AHNAK: variants seen among roughly 807,000 people sequenced by gnomAD.
AHNAK encodes the protein AHNAK nucleoprotein.
In AHNAK, 23 loss-of-function variants were observed where a neutral mutation model predicts 37.8. The observed-to-expected ratio is 0.61, with a 90% CI of 0.44 to 0.86. AHNAK has a LOEUF of 0.86. Ranked by LOEUF, AHNAK falls within the 40% of genes least tolerant of loss-of-function variation. AHNAK has a pLI of 0.00. For synonymous variants in AHNAK, 2,481 were observed against 2,636.3 expected (o/e 0.94, Z 1.80); for missense variants, 7,411 against 7,319.4 (o/e 1.01, Z -0.46).
Position 62,484,850 on chromosome 11 carries a change from C to T in AHNAK, c.442+6882G>A, listed in dbSNP as rs536908294. Among the ~76,000 whole-genome samples the T allele has an allele frequency of 2.6e-5, 4 of 152,278 alleles. No homozygotes were observed. In the South Asian group the frequency reaches 6.2e-4, roughly 24 times the overall value. ...TGTTGCCCAGGCTGGAGTGCAATTG[C>T]GTGATCTCAGCTCACCACAACCTCC... On this transcript the variant is annotated intron_variant, in intron 5 of 5. Coordinates refer to the AHNAK transcript ENST00000257247.
In AHNAK at chr11:62,524,662, G is replaced by A. The variant is rs770006460; in HGVS notation, c.9755C>T (p.Ala3252Val). ...TATCTTTGGGCCTTTTATGTCAAGAGCAGGTCCTTTCAAATCACCTTCTAC... is the reference window on the plus strand; with the variant it reads ...TATCTTTGGGCCTTTTATGTCAAGAACAGGTCCTTTCAAATCACCTTCTAC... ...ANVEGDLKGPALDIKGPKIDV... is the reference protein window; with the variant it reads ...ANVEGDLKGPVLDIKGPKIDV... The change falls in exon 5 of 5, where the codon GCT becomes GTT. Residue 3252 changes from alanine to valine, a missense_variant. Transcript: ENST00000378024. The A allele has an allele frequency of 1.2e-6, 2 of 1,614,186 alleles. No homozygotes were observed. Among genetic ancestry groups the A allele is most frequent in the South Asian group, 1.1e-5 (1 of 91,088 alleles).
chr11:62,498,436 AT>A (rs1939653827), intron 4 of AHNAK, among the ~76,000 whole-genome samples: 1 of 151,774 alleles, frequency 6.6e-6, no homozygotes, highest in African/African-American at 2.4e-5. Context: ...TAGTGTAATT[AT>A]AATTACACTA....
downstream of AHNAK, among the ~76,000 whole-genome samples, chr11:62,512,319 G>T (rs1246645750): frequency 1.3e-5 from 2 of 152,208 alleles, no homozygotes; most frequent in African/African-American, 4.8e-5. This position sits in a 1 kb window ranked among gnomAD's most constrained non-coding sequence, Gnocchi z 4.0. Flanking sequence ...GGCAGTTCTG[G>T]CAGATGCTGG....
chr11:62,447,127 C>A (rs1162036246), intron 5 of AHNAK, among the ~76,000 whole-genome samples: 1 of 152,160 alleles, frequency 6.6e-6, no homozygotes, highest in Non-Finnish European at 1.5e-5. Flanking sequence ...CAGCACCCAT[C>A]CCACTCGACC....
At chr11:62,455,018 C>T (rs960325949) in intron 5 of AHNAK, among the ~76,000 whole-genome samples, 3 of 151,496 alleles carry the variant, frequency 2.0e-5, no homozygotes, top group Non-Finnish European at 2.9e-5. Flanking sequence ...CTGCAACCTC[C>T]GCCCCGTGGG....
chr11:62,505,416 G>GC (rs942800219), intron 4 of AHNAK, among the ~76,000 whole-genome samples: 1 of 152,088 alleles, frequency 6.6e-6, no homozygotes, highest in African/African-American at 2.4e-5. Flanking sequence ...GATTCTGAGG[G>GC]CCCCGGGCTT....
At chr11:62,485,358 C>T (rs1384445395) in intron 5 of AHNAK, among the ~76,000 whole-genome samples, 2 of 151,992 alleles carry the variant, frequency 1.3e-5, no homozygotes, top group Non-Finnish European at 2.9e-5. Flanking sequence ...CAACAGTATA[C>T]TCCAGCTTGG....
Position 62,522,500 on chromosome 11 carries a change from G to C in AHNAK, c.11917C>G (p.Pro3973Ala). 6.2e-7 allele frequency: 1 copy of C among 1,613,358 alleles called. No homozygotes were observed. The highest frequency in any genetic ancestry group is 1.3e-5 in the African/African-American group (1 of 74,708). Residue 3973 changes from proline to alanine, a missense_variant, in exon 5 of 5, where the codon CCA becomes GCA. Pro to Ala is a conservative substitution (Grantham distance 27). Transcript: ENST00000378024. ...TCTGGACCTTCAATATTCACATCTG[G>C]AACATCAACGTCCACCTTGGGTCCT... ...VSGPKVDVDV[P>A]DVNIEGPDAK...
chr11:62,542,973 G>T (rs1941181366), intron 1 of AHNAK, among the ~76,000 whole-genome samples: 1 of 152,172 alleles, frequency 6.6e-6, no homozygotes, highest in Non-Finnish European at 1.5e-5. Flanking sequence ...GGGGCGTGGG[G>T]CCAGGCCGCT....
intron 2 of AHNAK, 58 bp from the exon 3 acceptor site, chr11:62,536,156 A>G (rs1940941628): frequency 6.7e-7 from 1 of 1,493,816 alleles, no homozygotes; most frequent in Admixed American, 2.2e-5. Context: ...ACATGAGGGC[A>G]TGGGAAAGCT....
chr11:62,518,193 C>T lies in AHNAK; in HGVS notation c.16224G>A (p.Leu5408=), dbSNP rs61625484. ...CCGGAGTAGAGATGCCAAATTGGGG[C>T]AGCTTCATTTTGGGAAGTTTAATGC... is the stretch of plus-strand genomic sequence containing the variant. The part of the protein sequence containing the change: ...EGSIKLPKMK[L]PQFGISTPGS... Residue 5408 remains leucine (L), a synonymous_variant, in exon 5 of 5, where the codon CTG becomes CTA. Coordinates refer to ENST00000378024, the MANE Select transcript of AHNAK (RefSeq NM_001620.3). 49,894 of 1,614,118 alleles carry T rather than the reference C, an allele frequency of 0.031. 1,070 individuals carry two copies. The highest frequency in any genetic ancestry group is 0.1 in the African/African-American group (7,811 of 74,996).
rs946989376 is a variant in AHNAK, at chr11:62,516,980, C to T, written c.17437G>A (p.Val5813Ile). ...GGEVSLEGGK[V>I]KGKHGKLKFG... Reference sequence around the variant, plus strand: ...TTCAGCTTCCCGTGTTTCCCTTTAACTTTCCCACCTTCCAGAGACACTTCC... The same window carrying T: ...TTCAGCTTCCCGTGTTTCCCTTTAATTTTCCCACCTTCCAGAGACACTTCC... Residue 5813 changes from valine to isoleucine, a missense_variant, in exon 5 of 5, where the codon GTT becomes ATT. Val to Ile is a conservative substitution (Grantham distance 29, BLOSUM62 3). Transcript: ENST00000378024. 1.2e-6 allele frequency: 2 copies of T among 1,614,116 alleles called. No individual in the cohort carries two copies. The highest frequency in any genetic ancestry group is 2.7e-5 in the African/African-American group (2 of 74,942).
At chr11:62,464,267 C>T (rs953711966) in intron 5 of AHNAK, among the ~76,000 whole-genome samples, 7 of 151,068 alleles carry the variant, frequency 4.6e-5, no homozygotes, top group Admixed American at 2.6e-4. Context: ...TATGTTGATC[C>T]GGCTGGTCTC....
intron 4 of AHNAK, among the ~76,000 whole-genome samples, chr11:62,501,493 G>A (rs1204516795): frequency 7.2e-5 from 11 of 152,188 alleles, no homozygotes; most frequent in Non-Finnish European, 1.6e-4. Flanking sequence ...CTTGAACCCG[G>A]GAGGTGGAGG....
Position 62,527,413 on chromosome 11 carries a change from G to C in AHNAK, c.7004C>G (p.Pro2335Arg). Residue 2335 changes from proline (P) to arginine (R), a missense_variant, in exon 5 of 5, where the codon CCA becomes CGA. Physicochemically the swap from Pro to Arg is moderately radical, Grantham distance 103. Transcript: ENST00000378024. ...KIKGDVDVSA[P>R]KLEGELKGPE... is the part of the protein sequence containing the mutation. ...ACCTTTTAACTCTCCCTCCAGCTTTGGGGCAGAAACATCAACATCTCCTTT... is the reference window on the plus strand; with the variant it reads ...ACCTTTTAACTCTCCCTCCAGCTTTCGGGCAGAAACATCAACATCTCCTTT... The C allele has an allele frequency of 6.2e-7, 1 of 1,614,078 alleles. No homozygotes were observed. Among genetic ancestry groups the C allele is most frequent in the East Asian group, 2.2e-5 (1 of 44,884 alleles).
intron 1 of AHNAK, among the ~76,000 whole-genome samples, chr11:62,538,404 G>A (rs1430345610): frequency 6.6e-6 from 1 of 152,214 alleles, no homozygotes; most frequent in African/African-American, 2.4e-5. Flanking sequence ...AAAGACACCA[G>A]GCAGGACTCT....
rs115712650 is a variant in AHNAK at position 62,439,525 on chromosome 11, A to G, written c.443-5634T>C. 9.5e-3 allele frequency among the ~76,000 whole-genome samples: 1,439 copies of G among 152,066 alleles called. 29 individuals carry two copies. The highest frequency in any genetic ancestry group is 0.033 in the African/African-American group (1,349 of 41,474). The stretch of plus-strand genomic sequence containing the variant: ...CTTCCTATCCTGGCAACTTTGTCCA[A>G]TCTCCTTCATAAACCCTTTTCCTAT... On this transcript the variant is annotated intron_variant, in intron 5 of 5. Coordinates refer to the AHNAK transcript ENST00000257247.
intron 5 of AHNAK, among the ~76,000 whole-genome samples, chr11:62,461,424 G>A (rs563674578): frequency 3.3e-5 from 5 of 152,244 alleles, no homozygotes; most frequent in South Asian, 2.1e-4. Flanking sequence ...GATTACAGGC[G>A]TGAGCCACTG....
At chr11:62,453,010 G>T (rs770052020) in intron 5 of AHNAK, among the ~76,000 whole-genome samples, 2 of 151,998 alleles carry the variant, frequency 1.3e-5, no homozygotes, top group Non-Finnish European at 2.9e-5. Flanking sequence ...GCAACAGAGC[G>T]AGACTCTGTT....
Sources: allele counts gnomAD v4.1 joint callset (sites outside exome capture counted in the v4.1 genomes callset), GRCh38; gene constraint gnomAD v4.1.1; non-coding constraint Gnocchi (gnomAD v3.1); transcripts MANE v1.5; gene names NCBI Gene and HGNC (gene_info 2026-07-23, HGNC 2026-07-21).